Variants in WDR31 observed in about 807,000 individuals in gnomAD.
WDR31 encodes WD repeat domain 31, also known as WD repeat-containing protein 31.
A neutral mutation model predicts 47.3 loss-of-function variants in WDR31; 30 were observed. That is an observed-to-expected ratio of 0.63 (90% CI 0.47 to 0.86). The LOEUF (loss-of-function observed/expected upper bound fraction) is 0.86. WDR31 is among the 40% of genes least tolerant of loss of function. The pLI, the probability that WDR31 is intolerant of heterozygous loss-of-function variation, is 0.00. For missense variants in WDR31, 406 were observed against 442.9 expected (o/e 0.92, Z 0.75); for synonymous variants, 137 against 159.4 (o/e 0.86, Z 1.06).
In WDR31 at chr9:113,340,130, C is replaced by T. The variant is rs571452571; in HGVS notation, c.-182+87G>A. ...CCAGCCCAAGGTTGGCCCTCATAAC[C>T]GCTCTCCGCTTCGACCAAAGGGCGA... On this transcript the variant is annotated intron_variant, in intron 1 of 10. Transcript: ENST00000374193. 7 of 152,466 alleles carry T rather than the reference C, an allele frequency of 4.6e-5. No homozygotes were observed. In the South Asian group the frequency reaches 1.4e-3, roughly 32 times the overall value. 9.4% of individuals were successfully genotyped at this position (152,466 alleles called of 1,614,324 possible).
chr9:113,332,166 C>A (rs77743730), intron 2 of WDR31, 116 bp from the exon 3 acceptor site: 6 of 666,038 alleles, frequency 9.0e-6, no homozygotes, highest in Non-Finnish European at 1.5e-5. Flanking sequence ...TTCCTCCTCA[C>A]CCTGCTTCAC....
Position 113,316,664 on chromosome 9 carries a change from C to T in WDR31, c.*85G>A, listed in dbSNP as rs1001676202. On this transcript the variant is annotated 3_prime_UTR_variant, in exon 11 of 11. Transcript: ENST00000374193. ...CAAAGAATACCAGCCCTACATCCCA[C>T]TCCCCTCAAGATAACTGGGAAAGAC... 4.7e-6 allele frequency: 7 copies of T among 1,487,682 alleles called. No individual in the cohort carries two copies. Among genetic ancestry groups the T allele is most frequent in the African/African-American group, 1.4e-5 (1 of 71,842 alleles). The allele number at this position is 1,487,682 out of a possible 1,614,324, so 92.2% of individuals were successfully genotyped here.
At chr9:113,327,967 A>G (rs1244506314) in intron 5 of WDR31, among the ~76,000 whole-genome samples, 2 of 150,608 alleles carry the variant, frequency 1.3e-5, no homozygotes, top group Non-Finnish European at 1.5e-5. Flanking sequence ...CTGGCCTCAA[A>G]TGATCCTCCT....
chr9:113,321,053 T>G (rs1229129474), intron 8 of WDR31, among the ~76,000 whole-genome samples: 1 of 152,208 alleles, frequency 6.6e-6, no homozygotes, highest in Non-Finnish European at 1.5e-5. Flanking sequence ...AGTTATCCTC[T>G]CCGGTCTAAG....
Position 113,331,992 on chromosome 9 carries a change from CT to C in WDR31, c.30del (p.Ala11LeufsTer13). 6.2e-7 allele frequency: 1 copy of C among 1,613,962 alleles called. No individual in the cohort carries two copies. Among genetic ancestry groups the C allele is most frequent in the South Asian group, 1.1e-5 (1 of 91,082 alleles). On this transcript the variant is annotated frameshift_variant, in exon 3 of 11. Transcript: ENST00000374193. LOFTEE classifies it high-confidence loss of function. ...CTAAACGAAACCTTCTGTGGAGGAG[CT>C]TGTTTCAGTTGGCACCTGAGTAGCA... is the stretch of plus-strand genomic sequence containing the variant. MLLLRCQLK[Q>X]APPQKVSFRF...
chr9:113,337,083 G>A (rs1018393808), intron 1 of WDR31, among the ~76,000 whole-genome samples: 2 of 152,048 alleles, frequency 1.3e-5, no homozygotes, highest in African/African-American at 4.8e-5. Flanking sequence ...GAGAATTAAG[G>A]GCAGCACAGA....
rs1438241544 is a variant in WDR31 at position 113,313,510 on chromosome 9, A to G, written c.*3239T>C. The G allele has an allele frequency of 6.6e-6, 1 of 152,264 alleles. No homozygotes were observed. Among genetic ancestry groups the G allele is most frequent in the Non-Finnish European group, 1.5e-5 (1 of 68,066 alleles). The allele number at this position is 152,264 out of a possible 1,614,324, so 9.4% of individuals were successfully genotyped here. A position where few individuals can be genotyped will look rare whatever the true frequency, so the allele number is the denominator to read the frequency against. ...TCTCCTTGGAGCCAGAAAGTTAATA[A>G]CTGGTCTTGAAGATACAAACAATGT... On this transcript the variant is annotated 3_prime_UTR_variant, in exon 11 of 11. Transcript: ENST00000374193.
At position 113,316,786 on chromosome 9, in the gene WDR31, C is replaced by CT. The variant is rs781778839; in HGVS notation, c.1066dup (p.Ser356LysfsTer45). 119 of 1,614,026 alleles carry CT rather than the reference C, an allele frequency of 7.4e-5. No individual in the cohort carries two copies. Among genetic ancestry groups the CT allele is most frequent in the Non-Finnish European group, 9.7e-5 (114 of 1,180,026 alleles). The stretch of plus-strand genomic sequence containing the variant: ...CACTTCCTGCAGTTCCAGCCCTTGG[C>CT]TGTGGTCCATTCTGAGTAAGTGAAT... On this transcript the variant is annotated frameshift_variant, in exon 11 of 11. Transcript: ENST00000374193. LOFTEE classifies it high-confidence loss of function.
chr9:113,324,896 C>T (rs1833426491), intron 5 of WDR31, among the ~76,000 whole-genome samples: 1 of 145,280 alleles, frequency 6.9e-6, no homozygotes, highest in Non-Finnish European at 1.5e-5. Context: ...TCTATATTTA[C>T]TAACTGTTTT....
At chr9:113,328,987 T>C (rs776906215) in intron 4 of WDR31, 32 bp from the exon 5 acceptor site, 9 of 1,581,498 alleles carry the variant, frequency 5.7e-6, no homozygotes, top group South Asian at 1.1e-5. Flanking sequence ...GTTTCATTAC[T>C]CAATTCTTGT....
chr9:113,318,729 C>G (rs1306844179), intron 9 of WDR31, 92 bp from the exon 10 acceptor site: 16 of 1,380,940 alleles, frequency 1.2e-5, no homozygotes, highest in Non-Finnish European at 1.6e-5. Context: ...TGCACCTATT[C>G]CCTCCACTTA....
At chr9:113,327,743 G>C (rs1186020228) in intron 5 of WDR31, among the ~76,000 whole-genome samples, 1 of 152,092 alleles carries the variant, frequency 6.6e-6, no homozygotes, top group Admixed American at 6.6e-5. Flanking sequence ...CTTGAGGTCA[G>C]GAGTTGGAGA....
Position 113,321,557 on chromosome 9 carries a change from G to A in WDR31, c.592C>T (p.Pro198Ser). Residue 198 changes from proline to serine, a missense_variant, in exon 8 of 11, where the codon CCC (proline) becomes TCC (serine). Pro to Ser is a moderately conservative substitution (Grantham distance 74). Transcript: ENST00000374193. ...GTCTGTAGTATGTATGGTTCTCTGG[G>A]GACCCAGCACAGGTGAGTGACCTAG... is the stretch of plus-strand genomic sequence containing the variant. ...RNVVTHLCWV[P>S]REPYILQTSE... 2 of 1,614,136 alleles carry A rather than the reference G, an allele frequency of 1.2e-6. No homozygotes were observed. The highest frequency in any genetic ancestry group is 1.7e-6 in the Non-Finnish European group (2 of 1,180,020).
intron 2 of WDR31, among the ~76,000 whole-genome samples, chr9:113,332,458 C>T (rs1457805709): frequency 6.6e-6 from 1 of 152,136 alleles, no homozygotes; most frequent in East Asian, 1.9e-4. Context: ...AAATATTACT[C>T]GGCCATTAAA....
In WDR31 at chr9:113,328,910, A is replaced by T. The variant is rs750364957; in HGVS notation, c.295T>A (p.Phe99Ile). 11 of 1,614,028 alleles carry T rather than the reference A, an allele frequency of 6.8e-6. No homozygotes were observed. Among genetic ancestry groups the T allele is most frequent in the Non-Finnish European group, 8.5e-6 (10 of 1,179,950 alleles). ...NWKTGNVVKR[F>I]KGHEHEITKV... ...GTGATCTCATGTTCATGTCCTTTGAACCTTTTCACCACATTTCCAGTTTTC... is the reference window on the plus strand; with the variant it reads ...GTGATCTCATGTTCATGTCCTTTGATCCTTTTCACCACATTTCCAGTTTTC... The change falls in exon 5 of 11, where the codon TTC (phenylalanine) becomes ATC (isoleucine). Residue 99 changes from phenylalanine to isoleucine, a missense_variant. By Grantham distance (21) the Phe-to-Ile change is conservative. Coordinates refer to ENST00000374193, the MANE Select transcript of WDR31 (RefSeq NM_001012361.4).
rs1833117459 is a variant in WDR31, at chr9:113,313,338, C to T, written c.*3411G>A. The T allele has an allele frequency of 1.3e-5, 2 of 152,186 alleles. No individual in the cohort carries two copies. Among genetic ancestry groups the T allele is most frequent in the Non-Finnish European group, 2.9e-5 (2 of 68,066 alleles). 9.4% of individuals were successfully genotyped at this position (152,186 alleles called of 1,614,324 possible). On this transcript the variant is annotated 3_prime_UTR_variant, in exon 11 of 11. Coordinates refer to ENST00000374193, the MANE Select transcript of WDR31 (RefSeq NM_001012361.4). ...CAGCCTGTCCCCCTTCCCTGGGACC[C>T]CCTCCCAACTCATTCCCGTGAACTT...
intron 5 of WDR31, among the ~76,000 whole-genome samples, chr9:113,327,559 G>A (rs1374497369): frequency 6.6e-6 from 1 of 152,116 alleles, no homozygotes; most frequent in Admixed American, 6.6e-5. Context: ...AATATTGATG[G>A]TTGATTATGT....
At chr9:113,328,696 T>C (rs1323486482) in intron 5 of WDR31, among the ~76,000 whole-genome samples, 185 bp downstream of exon 5, 1 of 152,238 alleles carries the variant, frequency 6.6e-6, no homozygotes. Context: ...TTGTGTTCGA[T>C]ATGCCTGTAA....
chr9:113,316,905 G>A lies in WDR31; in HGVS notation c.948C>T (p.Cys316=), dbSNP rs748358463. The change falls in exon 11 of 11, where the codon TGC becomes TGT. Residue 316 remains cysteine, a synonymous_variant. Transcript: ENST00000374193. ...ATCCATCCAGAGACAAGGTGAAAAGGCAGGCTGGGGGGGAAAGGGGGACCA... is the reference window on the plus strand; with the variant it reads ...ATCCATCCAGAGACAAGGTGAAAAGACAGGCTGGGGGGGAAAGGGGGACCA... ...VKIWNQDTGA[C]LFTLSLDGSG... The A allele has an allele frequency of 1.2e-6, 2 of 1,613,678 alleles. No individual in the cohort carries two copies. The highest frequency in any genetic ancestry group is 8.5e-7 in the Non-Finnish European group (1 of 1,179,770).
Sources: allele counts gnomAD v4.1 joint callset (sites outside exome capture counted in the v4.1 genomes callset), GRCh38; gene constraint gnomAD v4.1.1; transcripts MANE v1.5; gene names NCBI Gene and HGNC (gene_info 2026-07-23, HGNC 2026-07-21).